ADAM8: variants seen among roughly 807,000 people sequenced by gnomAD.
ADAM8 encodes the protein ADAM metallopeptidase domain 8.
ADAM8 carries 104 observed loss-of-function variants against 102.4 expected under a neutral mutation model. The ratio of observed to expected loss-of-function variants is 1.02; its 90% CI spans 0.87 to 1.20. ADAM8 has a LOEUF of 1.20. Ranked by LOEUF, ADAM8 falls within the 50% of genes most tolerant of loss-of-function variation. The probability of loss-of-function intolerance (pLI) is 0.00; values close to 1 mark genes in which losing one functional copy is unlikely to be tolerated. For synonymous variants in ADAM8, 517 were observed against 485.2 expected (o/e 1.07, Z -0.86); for missense variants, 1,132 against 1,159.0 (o/e 0.98, Z 0.34).
At chr10:133,264,829 G>A (rs4838676) in intron 21 of ADAM8, among the ~76,000 whole-genome samples, 3,692 of 128,176 alleles carry the variant, frequency 0.029, 63 homozygotes, top group Non-Finnish European at 0.043. Flanking sequence ...CTCCACGCCC[G>A]GCTCCTGCTG....
chr10:133,265,929 G>A (rs1194564743), intron 21 of ADAM8, among the ~76,000 whole-genome samples: 2 of 152,146 alleles, frequency 1.3e-5, no homozygotes, highest in African/African-American at 4.8e-5. Context: ...GTATCTCCCT[G>A]AGGCATCTGC....
chr10:133,273,089 G>T (rs3810961), intron 6 of ADAM8, 70 bp from the exon 7 acceptor site: 1 of 1,606,624 alleles, frequency 6.2e-7, no homozygotes. Flanking sequence ...TCAGGGACCC[G>T]GGGCCACTGT....
chr10:133,272,895 C>A (rs750964765), intron 7 of ADAM8, 29 bp from the exon 8 acceptor site: 23 of 1,610,806 alleles, frequency 1.4e-5, no homozygotes, highest in Non-Finnish European at 1.9e-5. Context: ...CAGGCTGGAG[C>A]CCACACACCC....
intron 1 of ADAM8, among the ~76,000 whole-genome samples, chr10:133,276,236 G>A (rs2136097837): frequency 6.6e-6 from 1 of 152,288 alleles, no homozygotes; most frequent in Middle Eastern, 3.4e-3. Flanking sequence ...AAACTGGCGG[G>A]AAGCAACCCG....
Position 133,270,762 on chromosome 10 carries a change from T to TAG in ADAM8, c.1606_1607dup (p.Pro537TyrfsTer109), listed in dbSNP as rs1422445636. On this transcript the variant is annotated frameshift_variant, in exon 15 of 23. Coordinates refer to ENST00000445355, the MANE Select transcript of ADAM8 (RefSeq NM_001109.5). LOFTEE classifies it high-confidence loss of function. ...TGTACCGGCTGGCCTTGCAGCCTGG[T>TAG]AGGATGTCATAGGAGAAGCAGGACT... The TAG allele has an allele frequency of 6.2e-7, 1 of 1,606,410 alleles. No homozygotes were observed.
intron 12 of ADAM8, 66 bp from the exon 13 acceptor site, chr10:133,271,355 GC>G: frequency 6.5e-7 from 1 of 1,548,028 alleles, no homozygotes; most frequent in Non-Finnish European, 8.7e-7. Context: ...GGCGGACCTG[GC>G]CGCCTCCCCT....
In ADAM8 at chr10:133,268,871, C is replaced by A. The variant is rs749085662; in HGVS notation, c.1949-9G>T. The A allele has an allele frequency of 6.2e-7, 1 of 1,602,550 alleles. No individual in the cohort carries two copies. The highest frequency in any genetic ancestry group is 1.7e-5 in the Admixed American group (1 of 59,760). ...GGGGAGGCTCCCGGACGCTGTGGGA[C>A]ACACGGCCCCACATCAGGCAGGCAG... On this transcript the variant is annotated splice_polypyrimidine_tract_variant and intron_variant, in intron 18 of 22. Coordinates refer to ENST00000445355, the MANE Select transcript of ADAM8 (RefSeq NM_001109.5).
At chr10:133,276,665 G>C in intron 1 of ADAM8, 107 bp downstream of exon 1, 1 of 1,432,362 alleles carries the variant, frequency 7.0e-7, no homozygotes, top group South Asian at 1.4e-5. Flanking sequence ...AGCCGGGCCA[G>C]GGTGCGGGGT....
At position 133,265,657 on chromosome 10, in the gene ADAM8, C is replaced by A. The variant is rs1396246951; in HGVS notation, c.2319+1695G>T. On this transcript the variant is annotated intron_variant, in intron 21 of 22. Coordinates refer to ENST00000445355, the MANE Select transcript of ADAM8 (RefSeq NM_001109.5). ...AAAAAAATACAAAAATTTAGCCAGG[C>A]ATGGTCGCGGGCACCTGTAGTCTCA... 3.3e-5 allele frequency among the ~76,000 whole-genome samples: 5 copies of A among 151,968 alleles called. No individual in the cohort carries two copies. The East Asian group carries it at 9.6e-4, about 29-fold the overall frequency.
At chr10:133,273,513 G>A in intron 5 of ADAM8, 70 bp from the exon 6 acceptor site, 1 of 1,455,782 alleles carries the variant, frequency 6.9e-7, no homozygotes, top group Non-Finnish European at 9.1e-7. Context: ...AGGACCAGAG[G>A]CTCCAGTTTG....
At position 133,272,956 on chromosome 10, in the gene ADAM8, C is replaced by T; in HGVS notation, c.636+1G>A. The T allele has an allele frequency of 1.2e-6, 2 of 1,612,940 alleles. No homozygotes were observed. The highest frequency in any genetic ancestry group is 1.7e-6 in the Non-Finnish European group (2 of 1,179,896). ...TCCCACCTTCCCTGCCCCCAACACA[C>T]CTCTGCATTGTCCACGACCACATAC... On this transcript the variant is annotated splice_donor_variant, in intron 7 of 22. Transcript: ENST00000445355. LOFTEE classifies it high-confidence loss of function.
In ADAM8 at chr10:133,262,933, A is replaced by G; in HGVS notation, c.*223T>C. The G allele has an allele frequency of 1.5e-6, 1 of 665,678 alleles. No homozygotes were observed. The highest frequency in any genetic ancestry group is 2.5e-5 in the East Asian group (1 of 39,472). The allele number at this position is 665,678 out of a possible 1,614,324, so 41.2% of individuals were successfully genotyped here. On this transcript the variant is annotated 3_prime_UTR_variant, in exon 23 of 23. Coordinates refer to ENST00000445355, the MANE Select transcript of ADAM8 (RefSeq NM_001109.5). Reference sequence around the variant, plus strand: ...CAGCTCATCCCAGCCTGGTGCCTGCAGACAGCTGGGGCTACACGTGGCCAA... The same window carrying G: ...CAGCTCATCCCAGCCTGGTGCCTGCGGACAGCTGGGGCTACACGTGGCCAA...
Position 133,269,900 on chromosome 10 carries a change from A to G in ADAM8, c.1860T>C (p.His620=), listed in dbSNP as rs763693244. Residue 620 remains histidine (H), a synonymous_variant, in exon 17 of 23, where the codon CAT becomes CAC. Transcript: ENST00000445355. The part of the protein sequence containing the change: ...SSNCSAQCHN[H]GVCNHKQECH... ...TGTCCCGAGAGGCCACACATACCCCATGGTTGTGGCACTGGGCAGAGCAGT... is the reference window on the plus strand; with the variant it reads ...TGTCCCGAGAGGCCACACATACCCCGTGGTTGTGGCACTGGGCAGAGCAGT... 6.2e-6 allele frequency: 10 copies of G among 1,612,620 alleles called. No homozygotes were observed. In the East Asian group the frequency reaches 1.6e-4, roughly 25 times the overall value.
rs1564923486 is a variant in ADAM8 at position 133,270,960 on chromosome 10, G to A, written c.1485C>T (p.Gly495=). The A allele has an allele frequency of 6.2e-7, 1 of 1,612,856 alleles. No homozygotes were observed. The highest frequency in any genetic ancestry group is 2.2e-5 in the East Asian group (1 of 44,884). Residue 495 remains glycine (G), a synonymous_variant, in exon 14 of 23, where the codon GGC becomes GGT. Coordinates refer to ENST00000445355, the MANE Select transcript of ADAM8 (RefSeq NM_001109.5). Reference sequence around the variant, plus strand: ...AGCAGTAGCCCCCGGAGCAGGGCGTGCCGTTCTCCTGGAAGGCGTCTTCCG... The same window carrying A: ...AGCAGTAGCCCCCGGAGCAGGGCGTACCGTTCTCCTGGAAGGCGTCTTCCG... ...ECPEDAFQEN[G]TPCSGGYCYN... is the part of the protein sequence containing the mutation.
chr10:133,264,432 C>T (rs1207460671), intron 21 of ADAM8, among the ~76,000 whole-genome samples: 7 of 152,212 alleles, frequency 4.6e-5, no homozygotes, highest in Admixed American at 2.0e-4. Flanking sequence ...TACTAAAACA[C>T]GTGTTTCTTT....
chr10:133,268,572 G>A (rs1846407557), intron 19 of ADAM8, among the ~76,000 whole-genome samples, 176 bp downstream of exon 19: 1 of 152,134 alleles, frequency 6.6e-6, no homozygotes, highest in Non-Finnish European at 1.5e-5. Context: ...CTGGCCGAGT[G>A]GAGCCAGGAA....
chr10:133,263,786 C>T lies in ADAM8; in HGVS notation c.2320-21G>A, dbSNP rs956843439. 7 of 1,520,392 alleles carry T rather than the reference C, an allele frequency of 4.6e-6. No individual in the cohort carries two copies. The African/African-American group carries it at 9.8e-5, about 21-fold the overall frequency. The allele number at this position is 1,520,392 out of a possible 1,614,324, so 94.2% of individuals were successfully genotyped here. On this transcript the variant is annotated intron_variant, in intron 21 of 22. Transcript: ENST00000445355. ...ATGACCTGGGAGGAAACAGACACAGCTGACATGGGTCCCCCAGGCACTCCC... is the reference window on the plus strand; with the variant it reads ...ATGACCTGGGAGGAAACAGACACAGTTGACATGGGTCCCCCAGGCACTCCC...
chr10:133,266,656 C>G (rs1290429991), intron 21 of ADAM8, among the ~76,000 whole-genome samples: 6 of 152,234 alleles, frequency 3.9e-5, no homozygotes, highest in Admixed American at 3.3e-4. Flanking sequence ...GATGGTACCA[C>G]TGGGGCCCCG....
chr10:133,274,555 C>T (rs1283890555), intron 2 of ADAM8, among the ~76,000 whole-genome samples: 3 of 151,344 alleles, frequency 2.0e-5, no homozygotes, highest in South Asian at 2.1e-4. Flanking sequence ...AGGCGACCGG[C>T]GGAGCCCAGC....
Sources: gnomAD v4.1 joint callset for allele counts (sites outside exome capture counted in the v4.1 genomes callset) on GRCh38, gnomAD v4.1.1 for gene constraint, MANE v1.5 for transcripts, NCBI Gene and HGNC (gene_info 2026-07-23, HGNC 2026-07-21) for gene names.